Variants in MARCHF8 observed in about 807,000 individuals in gnomAD.
MARCHF8 encodes membrane associated ring-CH-type finger 8, also known as E3 ubiquitin-protein ligase MARCHF8.
In MARCHF8, 40 loss-of-function variants were observed where a neutral mutation model predicts 51.6. The ratio of observed to expected loss-of-function variants is 0.77; its 90% CI spans 0.60 to 1.01. The LOEUF (loss-of-function observed/expected upper bound fraction) is 1.01. MARCHF8 is among the 50% of genes least tolerant of loss of function. The pLI is 0.00. For synonymous variants in MARCHF8, 263 were observed against 280.3 expected (o/e 0.94, Z 0.62); for missense variants, 685 against 708.6 (o/e 0.97, Z 0.38).
chr10:45,480,026 T>C (rs780783911), intron 3 of MARCHF8, among the ~76,000 whole-genome samples: 41 of 152,212 alleles, frequency 2.7e-4, no homozygotes, highest in Non-Finnish European at 4.6e-4. Context: ...AAATCCAGGC[T>C]GAGGTGGTCT....
Position 45,460,234 on chromosome 10 carries a change from C to T in MARCHF8, c.1270-967G>A, listed in dbSNP as rs530856877. ...CCATGCTCCCTGCTACTTCCTACAACGCACGTAGCTTGACACCCTGTCAAT... is the reference window on the plus strand; with the variant it reads ...CCATGCTCCCTGCTACTTCCTACAATGCACGTAGCTTGACACCCTGTCAAT... On this transcript the variant is annotated intron_variant, in intron 6 of 7. Transcript: ENST00000453424. Among the ~76,000 whole-genome samples the T allele has an allele frequency of 2.0e-5, 3 of 152,262 alleles. No homozygotes were observed. In the South Asian group the frequency reaches 6.2e-4, roughly 32 times the overall value.
intron 1 of MARCHF8, among the ~76,000 whole-genome samples, chr10:45,580,408 G>A (rs1252452007): frequency 2.0e-5 from 3 of 152,140 alleles, no homozygotes; most frequent in African/African-American, 7.2e-5. Context: ...CCAGTCTCCA[G>A]TTTATGAGAT....
chr10:45,519,639 C>T (rs2043674699), intron 2 of MARCHF8, among the ~76,000 whole-genome samples: 1 of 152,146 alleles, frequency 6.6e-6, no homozygotes, highest in Admixed American at 6.5e-5. Flanking sequence ...CATTTTCATG[C>T]ATCGTAAAAT....
intron 3 of MARCHF8, among the ~76,000 whole-genome samples, chr10:45,474,198 G>T (rs1488187249): frequency 6.6e-6 from 1 of 152,186 alleles, no homozygotes; most frequent in Admixed American, 6.5e-5. Context: ...TGGCCTCCTT[G>T]TCTCCATGTT....
At chr10:45,561,283 T>A (rs2133366316) in intron 1 of MARCHF8, among the ~76,000 whole-genome samples, 1 of 151,852 alleles carries the variant, frequency 6.6e-6, no homozygotes, top group East Asian at 2.0e-4. Context: ...GAATTTTTTT[T>A]TTTTTTTTTG....
At chr10:45,553,838 C>T (rs1244789010) in intron 1 of MARCHF8, among the ~76,000 whole-genome samples, 1 of 151,994 alleles carries the variant, frequency 6.6e-6, no homozygotes. Flanking sequence ...GACATGCACA[C>T]ACACACACAC....
intron 1 of MARCHF8, among the ~76,000 whole-genome samples, chr10:45,542,107 A>G (rs866603852): frequency 2.0e-5 from 3 of 152,154 alleles, no homozygotes; most frequent in Non-Finnish European, 4.4e-5. Flanking sequence ...GCACTCTGGG[A>G]GGCTGAGGCA....
At chr10:45,459,320 T>G in intron 6 of MARCHF8, 53 bp from the exon 7 acceptor site, 1 of 1,593,464 alleles carries the variant, frequency 6.3e-7, no homozygotes, top group Non-Finnish European at 8.6e-7. Context: ...AGGGCTCCGG[T>G]GGGGTGAGAG....
chr10:45,556,404 C>T (rs1330870511), intron 1 of MARCHF8, among the ~76,000 whole-genome samples: 3 of 152,014 alleles, frequency 2.0e-5, no homozygotes, highest in Admixed American at 2.0e-4. Context: ...ATGAAAAGAA[C>T]AAGAATGTAC....
chr10:45,492,297 C>T (rs71494795), intron 2 of MARCHF8, among the ~76,000 whole-genome samples: 9,235 of 146,700 alleles, frequency 0.063, 320 homozygotes, highest in Non-Finnish European at 0.068. Context: ...TCTTCTTCTT[C>T]TTTTTTTTTT....
intron 1 of MARCHF8, among the ~76,000 whole-genome samples, chr10:45,558,924 G>GA (rs1394534312): frequency 1.3e-5 from 2 of 152,036 alleles, no homozygotes; most frequent in African/African-American, 2.4e-5. Flanking sequence ...AGTAAAATCA[G>GA]AAAAAAGAAT....
At chr10:45,586,101 T>C (rs1424594923) in intron 1 of MARCHF8, among the ~76,000 whole-genome samples, 1 of 152,186 alleles carries the variant, frequency 6.6e-6, no homozygotes, top group Non-Finnish European at 1.5e-5. Context: ...ATCTTAAGCA[T>C]AATGTGAAGT....
At chr10:45,510,810 A>C (rs563659511) in intron 2 of MARCHF8, among the ~76,000 whole-genome samples, 1 of 152,288 alleles carries the variant, frequency 6.6e-6, no homozygotes, top group South Asian at 2.1e-4. Flanking sequence ...GGGTCTCTGG[A>C]TTTCAGCTTT....
At chr10:45,570,260 C>G (rs1224169482) in intron 1 of MARCHF8, among the ~76,000 whole-genome samples, 2 of 152,102 alleles carry the variant, frequency 1.3e-5, no homozygotes, top group African/African-American at 2.4e-5. Context: ...AAAACATCCT[C>G]AGCAAAACAA....
At chr10:45,548,728 C>G (rs1423805530) in intron 1 of MARCHF8, among the ~76,000 whole-genome samples, 2 of 152,304 alleles carry the variant, frequency 1.3e-5, no homozygotes, top group South Asian at 2.1e-4. Context: ...TTTGGCCAGG[C>G]ACGGTGGCTC....
intron 2 of MARCHF8, among the ~76,000 whole-genome samples, chr10:45,507,077 G>T (rs149847515): frequency 2.0e-5 from 3 of 152,220 alleles, no homozygotes; most frequent in Admixed American, 2.0e-4. Context: ...CTAAAACAGT[G>T]GCATGCAACA....
intron 6 of MARCHF8, among the ~76,000 whole-genome samples, chr10:45,460,861 G>C (rs1280086213): frequency 1.3e-5 from 2 of 152,184 alleles, no homozygotes; most frequent in Non-Finnish European, 2.9e-5. Context: ...GTGCTGGGGA[G>C]ATACTAATCT....
intron 1 of MARCHF8, among the ~76,000 whole-genome samples, chr10:45,543,325 G>T (rs1233473135): frequency 6.6e-6 from 1 of 152,142 alleles, no homozygotes; most frequent in African/African-American, 2.4e-5. Context: ...TTTCCTGGGT[G>T]ATTTAATCCA....
upstream of MARCHF8, among the ~76,000 whole-genome samples, chr10:45,537,865 C>G (rs2043995648): frequency 1.3e-5 from 2 of 151,974 alleles, no homozygotes; most frequent in South Asian, 4.1e-4. Context: ...TGAAAATATT[C>G]TAAAATTGAC....
Sources: allele counts gnomAD v4.1 joint callset (sites outside exome capture counted in the v4.1 genomes callset), GRCh38; gene constraint gnomAD v4.1.1; transcripts MANE v1.5; gene names NCBI Gene and HGNC (gene_info 2026-07-23, HGNC 2026-07-21).